Variants in UPF3B observed in about 807,000 individuals in gnomAD.
The protein encoded by UPF3B is regulator of nonsense transcripts 3B.
In UPF3B, 7 loss-of-function variants were observed where a neutral mutation model predicts 40.3. The ratio of observed to expected loss-of-function variants is 0.17; its 90% CI spans 0.10 to 0.33. The LOEUF (loss-of-function observed/expected upper bound fraction) is 0.33. UPF3B is among the 10% of genes least tolerant of loss of function. The pLI, the probability that UPF3B is intolerant of heterozygous loss-of-function variation, is 1.00. For synonymous variants in UPF3B, 117 were observed against 117.3 expected (o/e 1.00, Z 0.01); for missense variants, 229 against 358.9 (o/e 0.64, Z 2.93).
intron 3 of UPF3B, among the ~76,000 whole-genome samples, chrX:119,828,824 G>A (rs1261774482): frequency 2.7e-5 from 3 of 110,733 alleles, no homozygotes; most frequent in Non-Finnish European, 5.7e-5. Flanking sequence ...GGGTTCAAGC[G>A]ATTCTCCTGC....
At chrX:119,842,589 C>CACACACACACACACAT (rs1371175854) in intron 5 of UPF3B, among the ~76,000 whole-genome samples, 13 of 82,689 alleles carry the variant, frequency 1.6e-4, no homozygotes, top group Non-Finnish European at 2.4e-4. Context: ...CTCACACACA[C>CACACACACACACACAT]ACACACACAC....
At chrX:119,809,089 G>A (rs953583540) in intron 5 of UPF3B, among the ~76,000 whole-genome samples, 2 of 111,462 alleles carry the variant, frequency 1.8e-5, no homozygotes, top group South Asian at 3.8e-4. Flanking sequence ...CGAATGGCTC[G>A]GGAGGCCTCA....
chrX:119,848,134 T>C (rs911822025), intron 3 of UPF3B, among the ~76,000 whole-genome samples: 1 of 107,838 alleles, frequency 9.3e-6, no homozygotes, highest in Non-Finnish European at 1.9e-5. Context: ...ACAAAAAAAT[T>C]AGCCAGCTGT....
intron 3 of UPF3B, among the ~76,000 whole-genome samples, chrX:119,828,227 A>T (rs1277117576): frequency 9.2e-6 from 1 of 108,703 alleles, no homozygotes; most frequent in Non-Finnish European, 1.9e-5. Context: ...GCCTCGCTAA[A>T]TTTTTTTTGT....
At chrX:119,824,153 T>A (rs2055955082) in intron 3 of UPF3B, among the ~76,000 whole-genome samples, 1 of 99,425 alleles carries the variant, frequency 1.0e-5, no homozygotes, top group African/African-American at 3.8e-5. Flanking sequence ...CACTGGTTGA[T>A]CTGGCTGAGG....
chrX:119,824,133 C>T (rs1219848341), intron 3 of UPF3B, among the ~76,000 whole-genome samples: 2 of 101,652 alleles, frequency 2.0e-5, no homozygotes, highest in Non-Finnish European at 4.0e-5. Context: ...GGAGGGCCCT[C>T]CTGTGGTTTC....
chrX:119,842,629 C>CACACACACAG (rs202167619), intron 5 of UPF3B, among the ~76,000 whole-genome samples: 50 of 107,231 alleles, frequency 4.7e-4, no homozygotes, highest in South Asian at 2.4e-3. Context: ...CACACACACA[C>CACACACACAG]AGAGAGAGAG....
intron 4 of UPF3B, 45 bp from the exon 5 acceptor site, chrX:119,843,346 C>CA (rs774386559): frequency 2.2e-5 from 19 of 872,427 alleles, no homozygotes; most frequent in African/African-American, 1.4e-4. Context: ...AGACTTTAAA[C>CA]AAAAAAAGAA....
At chrX:119,811,689 T>TA (rs1212086249) in intron 5 of UPF3B, among the ~76,000 whole-genome samples, 1 of 106,843 alleles carries the variant, frequency 9.4e-6, no homozygotes, top group Non-Finnish European at 1.9e-5. Flanking sequence ...CGGTGGCTCA[T>TA]ACCTGTAATC....
intron 4 of UPF3B, among the ~76,000 whole-genome samples, chrX:119,816,002 C>G (rs2055862384): frequency 9.0e-6 from 1 of 111,182 alleles, no homozygotes; most frequent in East Asian, 2.8e-4. Context: ...GGTTCATCTC[C>G]AACTGCTGAC....
intron 10 of UPF3B, among the ~76,000 whole-genome samples, chrX:119,836,752 G>A (rs769624907): frequency 9.4e-4 from 100 of 106,830 alleles, no homozygotes; most frequent in Middle Eastern, 4.7e-3. Context: ...CCAGGTTCAC[G>A]CCATTTTCCT....
downstream of UPF3B, chrX:119,831,885 G>C (rs182325617): frequency 6.4e-3 from 963 of 149,632 alleles, 2 homozygotes; most frequent in Middle Eastern, 0.015. Flanking sequence ...TAAATATGAG[G>C]GCACAGTAAA....
At position 119,809,762 on chromosome X, in the gene UPF3B, G is replaced by A. The variant is rs181881308; in HGVS notation, c.603-2181C>T. On this transcript the variant is annotated intron_variant, in intron 5 of 6. Transcript: ENST00000636792. ...TGCACCAAAACAAACTGGTACTAAC[G>A]CATTATAAAATGTCTCAACAGGATC... Among the ~76,000 whole-genome samples, 79 of 111,409 alleles carry A rather than the reference G, an allele frequency of 7.1e-4. 1 individual carries two copies. The highest frequency in any genetic ancestry group is 4.6e-3 in the Middle Eastern group (1 of 219).
chrX:119,820,856 G>C (rs1460340313), intron 4 of UPF3B, among the ~76,000 whole-genome samples: 1 of 111,732 alleles, frequency 8.9e-6, no homozygotes, highest in Non-Finnish European at 1.9e-5. Flanking sequence ...TGGACAGATT[G>C]TTTGAGCCCA....
At chrX:119,835,746 T>C (rs1004658028) in intron 10 of UPF3B, among the ~76,000 whole-genome samples, 10 of 111,559 alleles carry the variant, frequency 9.0e-5, no homozygotes, top group Non-Finnish European at 1.7e-4. Context: ...CCCAATACTT[T>C]GAGGGGATCG....
intron 4 of UPF3B, among the ~76,000 whole-genome samples, chrX:119,816,612 TAGAC>T (rs749565144): frequency 9.0e-6 from 1 of 111,235 alleles, no homozygotes; most frequent in African/African-American, 3.3e-5. Flanking sequence ...GAAAACAGGC[TAGAC>T]AAAGAGGCAA....
rs959495593 is a variant in UPF3B, at chrX:119,834,733, A to C, written c.*145T>G. The C allele has an allele frequency of 3.4e-6, 4 of 1,165,761 alleles. No homozygotes were observed. Among genetic ancestry groups the C allele is most frequent in the Non-Finnish European group, 4.6e-6 (4 of 876,162 alleles). ...CCTCTGATCAGATTCCTGCTTTGAC[A>C]CAAGACTTACTCCTCTGCAGTGTAC... On this transcript the variant is annotated 3_prime_UTR_variant, in exon 11 of 11. Coordinates refer to ENST00000276201, the MANE Select transcript of UPF3B (RefSeq NM_080632.3).
chrX:119,822,482 T>C (rs906150719), intron 4 of UPF3B, among the ~76,000 whole-genome samples: 39 of 113,066 alleles, frequency 3.4e-4, no homozygotes, highest in Non-Finnish European at 4.7e-4. Context: ...ATCAGCATTT[T>C]CTGACACTTT....
At chrX:119,843,357 G>A in intron 4 of UPF3B, 56 bp from the exon 5 acceptor site, 1 of 841,205 alleles carries the variant, frequency 1.2e-6, no homozygotes, top group Non-Finnish European at 1.8e-6. Context: ...AAAAAAAGAA[G>A]ACATTATCTA....
Sources: gnomAD v4.1 joint callset for allele counts (sites outside exome capture counted in the v4.1 genomes callset) on GRCh38, gnomAD v4.1.1 for gene constraint, MANE v1.5 for transcripts, NCBI Gene and HGNC (gene_info 2026-07-23, HGNC 2026-07-21) for gene names.